Variants in CAPS2 observed in about 807,000 individuals in gnomAD.
The protein encoded by CAPS2 is calcyphosine 2.
A neutral mutation model predicts 86.5 loss-of-function variants in CAPS2; 98 were observed. The ratio of observed to expected loss-of-function variants is 1.13; its 90% CI spans 0.96 to 1.34. The LOEUF (loss-of-function observed/expected upper bound fraction) is 1.34. CAPS2 is among the 40% of genes most tolerant of loss of function. The pLI, the probability that CAPS2 is intolerant of heterozygous loss-of-function variation, is 0.00. For synonymous variants in CAPS2, 210 were observed against 225.1 expected (o/e 0.93, Z 0.60); for missense variants, 729 against 686.8 (o/e 1.06, Z -0.69).
In CAPS2 at chr12:75,321,441, C is replaced by T. The variant is rs923328818; in HGVS notation, c.427G>A (p.Val143Ile). 3.3e-5 allele frequency: 51 copies of T among 1,547,904 alleles called. No individual in the cohort carries two copies. Among genetic ancestry groups the T allele is most frequent in the Non-Finnish European group, 4.3e-5 (49 of 1,144,146 alleles). Residue 143 changes from valine (V) to isoleucine (I), a missense_variant, in exon 5 of 17, where the codon GTT (valine) becomes ATT (isoleucine). Coordinates refer to ENST00000393284, the Ensembl canonical transcript of CAPS2. ...TTTCTTGGAGACTGTTTATGTGTAA[C>T]ATTTGATTTTGTATTTTCTGCATTT...
chr12:75,359,759 T>C (rs905815184), intron 1 of CAPS2: 3 of 152,138 alleles, frequency 2.0e-5, no homozygotes, highest in Admixed American at 1.3e-4. Context: ...TAATAAATCA[T>C]ACTGGAACAA....
At chr12:75,346,666 T>C (rs1459335011) in intron 1 of CAPS2, among the ~76,000 whole-genome samples, 1 of 152,184 alleles carries the variant, frequency 6.6e-6, no homozygotes, top group Non-Finnish European at 1.5e-5. Context: ...GTTTTTAAGT[T>C]CTCAGTTCAC....
chr12:75,281,319 T>C (rs918419713), intron 16 of CAPS2, among the ~76,000 whole-genome samples: 10 of 152,064 alleles, frequency 6.6e-5, no homozygotes, highest in African/African-American at 2.4e-4. Context: ...AATAAGCACA[T>C]TTATTGCTTC....
intron 1 of CAPS2, among the ~76,000 whole-genome samples, chr12:75,386,734 G>A (rs1159114246): frequency 3.9e-5 from 6 of 152,178 alleles, no homozygotes; most frequent in Non-Finnish European, 4.4e-5. Context: ...GAACAGAATA[G>A]AGAGCTGAGA....
rs567926178 is a variant in CAPS2 at position 75,385,903 on chromosome 12, A to G, written c.-395+4935T>C. 5.9e-4 allele frequency among the ~76,000 whole-genome samples: 90 copies of G among 152,346 alleles called. 1 individual carries two copies. The highest frequency in any genetic ancestry group is 2.1e-3 in the African/African-American group (87 of 41,586). On this transcript the variant is annotated intron_variant, in intron 1 of 5. Coordinates refer to the CAPS2 transcript ENST00000551829. ...ATAAATCTAACAAAATATTTACAAG[A>G]TCTGTATGAGGAACACTACAAAAGT...
intron 14 of CAPS2, 50 bp from the exon 15 acceptor site, chr12:75,285,130 C>A: frequency 6.4e-7 from 1 of 1,563,090 alleles, no homozygotes; most frequent in South Asian, 1.2e-5. Flanking sequence ...CATATCGTCA[C>A]AACAAAATCA....
intron 7 of CAPS2, among the ~76,000 whole-genome samples, chr12:75,311,724 CAAAA>C (rs1188952105): frequency 6.4e-5 from 1 of 15,658 alleles, no homozygotes; most frequent in South Asian, 2.3e-3. Flanking sequence ...AAAAAAAAAA[CAAAA>C]AAAAAAAAAA....
chr12:75,319,641 T>C (rs754087842), intron 5 of CAPS2, among the ~76,000 whole-genome samples: 15 of 152,154 alleles, frequency 9.9e-5, no homozygotes, highest in Non-Finnish European at 1.9e-4. Flanking sequence ...GTCAAACTTC[T>C]ATTTTGCAGT....
At chr12:75,276,279 G>A (rs2032919938), downstream of CAPS2, 2 of 1,530,218 alleles carry the variant, frequency 1.3e-6, no homozygotes, top group Middle Eastern at 1.7e-4. Context: ...CAGGGTACAT[G>A]TTTTATATTT....
At chr12:75,293,115 G>A (rs540415190) in intron 12 of CAPS2, 134 bp downstream of exon 12, 386 of 606,392 alleles carry the variant, frequency 6.4e-4, no homozygotes, top group Admixed American at 1.3e-3. Context: ...AAAGACATAC[G>A]TAGCTATGCT....
chr12:75,303,272 T>C (rs1405973632), intron 8 of CAPS2, among the ~76,000 whole-genome samples: 1 of 152,176 alleles, frequency 6.6e-6, no homozygotes, highest in African/African-American at 2.4e-5. Flanking sequence ...TATATCAAAA[T>C]ATCATGTTGT....
exon 17 of CAPS2, chr12:75,278,129 G>T (rs1281785606): frequency 1.1e-6 from 1 of 922,768 alleles, no homozygotes; most frequent in Non-Finnish European, 1.3e-6. Context: ...CTTTCATATT[G>T]CTCAATAACA....
chr12:75,350,550 G>T (rs547040760), intron 1 of CAPS2, among the ~76,000 whole-genome samples: 2 of 152,308 alleles, frequency 1.3e-5, no homozygotes, highest in South Asian at 2.1e-4. Flanking sequence ...CCAGGTGTCA[G>T]AGGGACCCAG....
intron 1 of CAPS2, among the ~76,000 whole-genome samples, chr12:75,385,110 C>T (rs1002113690): frequency 1.3e-5 from 2 of 152,170 alleles, no homozygotes; most frequent in East Asian, 1.9e-4. Context: ...TGCACTGCTT[C>T]AGGACTTTGC....
rs149149843 is a variant in CAPS2, at chr12:75,279,560, AT to A, written c.1613-496del. Among the ~76,000 whole-genome samples the A allele has an allele frequency of 3.5e-3, 526 of 151,938 alleles. 5 individuals are homozygous for A. The highest frequency in any genetic ancestry group is 0.012 in the African/African-American group (503 of 41,486). ...GTGGACAAAATTAAGGTGAGAGTTA[AT>A]TTTTTTTCCCTCAAACCAGAGGTTC... On this transcript the variant is annotated intron_variant, in intron 16 of 16. Transcript: ENST00000393284.
chr12:75,321,514 C>G, exon 5 of CAPS2: 1 of 1,548,082 alleles, frequency 6.5e-7, no homozygotes, highest in South Asian at 1.2e-5. Flanking sequence ...TTTTACATTG[C>G]TGATATTTTA....
upstream of CAPS2, among the ~76,000 whole-genome samples, chr12:75,332,015 T>C (rs1193286334): frequency 6.6e-6 from 1 of 152,256 alleles, no homozygotes; most frequent in East Asian, 1.9e-4. Flanking sequence ...TAAATTGTTT[T>C]AGTATTTCTG....
At chr12:75,335,187 C>T (rs2041641153) in intron 1 of CAPS2, among the ~76,000 whole-genome samples, 1 of 152,050 alleles carries the variant, frequency 6.6e-6, no homozygotes, top group African/African-American at 2.4e-5. Context: ...AAGTACTGAA[C>T]ACAGGATTAT....
chr12:75,330,597 A>T (rs1012452902), upstream of CAPS2, among the ~76,000 whole-genome samples: 19 of 152,242 alleles, frequency 1.2e-4, no homozygotes, highest in African/African-American at 4.1e-4. Flanking sequence ...GTAATATATT[A>T]TATAGAGATA....
Sources: gnomAD v4.1 joint callset for allele counts (sites outside exome capture counted in the v4.1 genomes callset) on GRCh38, gnomAD v4.1.1 for gene constraint, MANE v1.5 for transcripts, NCBI Gene and HGNC (gene_info 2026-07-23, HGNC 2026-07-21) for gene names.